SERPINB5: variants seen among roughly 807,000 people sequenced by gnomAD.
SERPINB5 encodes the protein serpin B5.
In SERPINB5, 27 loss-of-function variants were observed where a neutral mutation model predicts 32.2. The observed-to-expected ratio is 0.84, with a 90% CI of 0.62 to 1.16. The LOEUF is 1.16. Ranked by LOEUF, SERPINB5 falls within the 50% of genes most tolerant of loss-of-function variation. The pLI, the probability that SERPINB5 is intolerant of heterozygous loss-of-function variation, is 0.00. For missense variants in SERPINB5, 388 were observed against 436.3 expected (o/e 0.89, Z 0.99); for synonymous variants, 154 against 157.4 (o/e 0.98, Z 0.16).
intron 1 of SERPINB5, among the ~76,000 whole-genome samples, chr18:63,479,595 GTA>G (rs1913948005): frequency 6.6e-6 from 1 of 152,166 alleles, no homozygotes; most frequent in African/African-American, 2.4e-5. Flanking sequence ...GAGGTTTCTA[GTA>G]TGGGGGGTCT....
intron 5 of SERPINB5, among the ~76,000 whole-genome samples, chr18:63,495,987 A>G (rs1909438265): frequency 6.6e-6 from 1 of 152,210 alleles, no homozygotes; most frequent in African/African-American, 2.4e-5. Flanking sequence ...GGGTTAGACT[A>G]AATTGGTGAA....
intron 3 of SERPINB5, among the ~76,000 whole-genome samples, chr18:63,488,848 G>A (rs1021250259): frequency 8.5e-5 from 13 of 152,172 alleles, no homozygotes; most frequent in Non-Finnish European, 5.9e-5. Context: ...GATTCAGTAT[G>A]TCTGGGGTGG....
chr18:63,502,536 AG>A (rs1321161553), intron 6 of SERPINB5, among the ~76,000 whole-genome samples: 5 of 151,996 alleles, frequency 3.3e-5, no homozygotes, highest in Admixed American at 1.3e-4. Flanking sequence ...AAAAAAAAAA[AG>A]TAACTTTAGC....
chr18:63,488,683 C>T (rs1278532004), intron 3 of SERPINB5, among the ~76,000 whole-genome samples: 1 of 152,080 alleles, frequency 6.6e-6, no homozygotes, highest in Non-Finnish European at 1.5e-5. Flanking sequence ...TGATTAAACC[C>T]AGGTAGTTCT....
At chr18:63,497,499 G>GGAAAAAAAAAAAAAAAAAAAAAAA (rs74169971) in intron 5 of SERPINB5, 1 of 217,032 alleles carries the variant, frequency 4.6e-6, no homozygotes, top group African/African-American at 2.5e-5. Flanking sequence ...CAACGTTTCT[G>GGAAAAAAAAAAAAAAAAAAAAAAA]AAAAAAAAAA....
chr18:63,480,175 T>A (rs939212503), intron 1 of SERPINB5, among the ~76,000 whole-genome samples: 1 of 152,218 alleles, frequency 6.6e-6, no homozygotes, highest in South Asian at 2.1e-4. Flanking sequence ...CTCTCCAAGA[T>A]CTTGTCCCAC....
chr18:63,481,953 G>T (rs1424552752), intron 1 of SERPINB5, among the ~76,000 whole-genome samples: 1 of 152,184 alleles, frequency 6.6e-6, no homozygotes, highest in Non-Finnish European at 1.5e-5. Context: ...ACTTCAGGGG[G>T]CCTCGTGGTA....
chr18:63,503,926 A>G lies in SERPINB5; in HGVS notation c.*204A>G. 1 of 568,916 alleles carries G rather than the reference A, an allele frequency of 1.8e-6. No homozygotes were observed. 35.2% of individuals were successfully genotyped at this position (568,916 alleles called of 1,614,324 possible). On this transcript the variant is annotated 3_prime_UTR_variant, in exon 7 of 7. Transcript: ENST00000382771. ...TCTATCTTTTGTTTCCTTTTTTCCC[A>G]TAAGACAATGACATACGCTTTTAAT...
At chr18:63,492,816 A>G in intron 4 of SERPINB5, 137 bp from the exon 5 acceptor site, 1 of 1,073,430 alleles carries the variant, frequency 9.3e-7, no homozygotes, top group Non-Finnish European at 1.4e-6. Flanking sequence ...TCCTTCTGAA[A>G]TTTGATGGTT....
intron 5 of SERPINB5, among the ~76,000 whole-genome samples, chr18:63,497,848 A>G (rs554756513): frequency 6.6e-6 from 1 of 152,188 alleles, no homozygotes; most frequent in East Asian, 1.9e-4. Flanking sequence ...TCTTCATTCT[A>G]CTGACAAGAA....
At chr18:63,492,837 G>C (rs749448179) in intron 4 of SERPINB5, 116 bp from the exon 5 acceptor site, 421 of 1,265,750 alleles carry the variant, frequency 3.3e-4, no homozygotes, top group Non-Finnish European at 4.4e-4. Flanking sequence ...GGAACCATCA[G>C]GCCTTACATG....
At chr18:63,491,360 C>T (rs1909330418) in intron 4 of SERPINB5, among the ~76,000 whole-genome samples, 2 of 145,460 alleles carry the variant, frequency 1.4e-5, no homozygotes, top group Admixed American at 1.4e-4. Context: ...TGAGATCGCG[C>T]CATTGCACTC....
chr18:63,485,996 G>C (rs2000715), intron 2 of SERPINB5: 75,015 of 151,266 alleles, frequency 0.5, 20,219 homozygotes, highest in Non-Finnish European at 0.62. Flanking sequence ...TGGACTATTG[G>C]TTGGAACAAT....
At chr18:63,487,368 GTAAT>G (rs1190936043) in intron 3 of SERPINB5, among the ~76,000 whole-genome samples, 1 of 152,148 alleles carries the variant, frequency 6.6e-6, no homozygotes, top group Non-Finnish European at 1.5e-5. Flanking sequence ...GGAGAACAGA[GTAAT>G]TAACTCTCTA....
intron 1 of SERPINB5, among the ~76,000 whole-genome samples, chr18:63,480,117 C>A (rs1917102692): frequency 6.6e-6 from 1 of 152,164 alleles, no homozygotes; most frequent in Non-Finnish European, 1.5e-5. Context: ...TCTTTGTCTG[C>A]CTCATTTTCC....
At chr18:63,482,431 G>T (rs1234910672) in intron 1 of SERPINB5, among the ~76,000 whole-genome samples, 1 of 152,178 alleles carries the variant, frequency 6.6e-6, no homozygotes, top group East Asian at 1.9e-4. Flanking sequence ...TGCGCCTGAG[G>T]CTTTGGGGGA....
intron 4 of SERPINB5, among the ~76,000 whole-genome samples, chr18:63,489,931 G>A (rs12963382): frequency 1.3e-5 from 2 of 152,206 alleles, no homozygotes; most frequent in South Asian, 4.1e-4. Context: ...GGTGGCTCAC[G>A]CCTGTAATCC....
At chr18:63,491,113 G>C (rs534465419) in intron 4 of SERPINB5, among the ~76,000 whole-genome samples, 1 of 152,098 alleles carries the variant, frequency 6.6e-6, no homozygotes, top group South Asian at 2.1e-4. Flanking sequence ...TTAGAATAAT[G>C]GTCTTCAGAC....
At chr18:63,501,298 G>T (rs1371100179) in intron 6 of SERPINB5, among the ~76,000 whole-genome samples, 1 of 150,976 alleles carries the variant, frequency 6.6e-6, no homozygotes, top group African/African-American at 2.4e-5. Flanking sequence ...GCAGTGTTTG[G>T]TTTGTTGTCC....
Sources: allele counts gnomAD v4.1 joint callset (sites outside exome capture counted in the v4.1 genomes callset), GRCh38; gene constraint gnomAD v4.1.1; transcripts MANE v1.5; gene names NCBI Gene and HGNC (gene_info 2026-07-23, HGNC 2026-07-21).